NR5A2: variants seen among roughly 807,000 people sequenced by gnomAD.
NR5A2 encodes nuclear receptor subfamily 5 group A member 2.
In NR5A2, 26 loss-of-function variants were observed where a neutral mutation model predicts 62.7. The observed-to-expected ratio is 0.41, with a 90% CI of 0.30 to 0.58. NR5A2 has a LOEUF of 0.58. NR5A2 is among the 20% of genes least tolerant of loss of function. The pLI, the probability that NR5A2 is intolerant of heterozygous loss-of-function variation, is 0.22. For synonymous variants in NR5A2, 246 were observed against 241.7 expected, an observed-to-expected ratio of 1.02 and a Z score of -0.16; for missense variants, 541 against 669.1, an observed-to-expected ratio of 0.81 and a Z score of 2.11.
At chr1:200,093,729 C>T (rs935839625) in intron 5 of NR5A2, among the ~76,000 whole-genome samples, 1 of 152,218 alleles carries the variant, frequency 6.6e-6, no homozygotes, top group African/African-American at 2.4e-5. Context: ...TCCTCCTAGA[C>T]TTCCTTTTCC....
intron 5 of NR5A2, among the ~76,000 whole-genome samples, chr1:200,075,302 G>A (rs1203414820): frequency 6.6e-6 from 1 of 152,094 alleles, no homozygotes; most frequent in African/African-American, 2.4e-5. Context: ...AAGGAAAGCC[G>A]CTTTGCAAAA....
At chr1:200,095,660 C>T (rs986315874) in intron 5 of NR5A2, among the ~76,000 whole-genome samples, 1 of 152,020 alleles carries the variant, frequency 6.6e-6, no homozygotes, top group African/African-American at 2.4e-5. Flanking sequence ...TCACGCCATC[C>T]TCCTGCCTCA....
chr1:200,046,224 A>C (rs1449312752), intron 4 of NR5A2, among the ~76,000 whole-genome samples: 1 of 152,212 alleles, frequency 6.6e-6, no homozygotes, highest in Non-Finnish European at 1.5e-5. Flanking sequence ...TCTGAAAAGA[A>C]CAAGAAAGTG....
intron 7 of NR5A2, among the ~76,000 whole-genome samples, chr1:200,155,324 TTTAAAATGA>T (rs1215605248): frequency 2.6e-5 from 4 of 152,220 alleles, no homozygotes. Flanking sequence ...ATTCATTAAG[TTTAAAATGA>T]AGCACAAAAG....
intron 6 of NR5A2, among the ~76,000 whole-genome samples, chr1:200,114,786 G>T (rs370816217): frequency 2.2e-4 from 34 of 152,306 alleles, no homozygotes; most frequent in African/African-American, 7.9e-4. Context: ...TGAAGTGGTT[G>T]ATTCAAGGTC....
chr1:200,064,695 G>A (rs906717914), intron 5 of NR5A2, among the ~76,000 whole-genome samples: 1 of 152,154 alleles, frequency 6.6e-6, no homozygotes, highest in Non-Finnish European at 1.5e-5. Flanking sequence ...CATGATTTCG[G>A]TCCTGGTATA....
At chr1:200,066,605 T>TTTTTTTTTTAG (rs71132651) in intron 5 of NR5A2, among the ~76,000 whole-genome samples, 1 of 148,500 alleles carries the variant, frequency 6.7e-6, no homozygotes, top group Admixed American at 6.7e-5. Context: ...TTTTTTTTTT[T>TTTTTTTTTTAG]GAGAGGGAGT....
chr1:200,088,722 C>G (rs1196498856), intron 5 of NR5A2, among the ~76,000 whole-genome samples: 1 of 152,212 alleles, frequency 6.6e-6, no homozygotes, highest in Non-Finnish European at 1.5e-5. Flanking sequence ...TTTTCTCCAC[C>G]TCTTCTTTTT....
chr1:200,100,181 A>G (rs1665298810), intron 5 of NR5A2, among the ~76,000 whole-genome samples: 1 of 152,218 alleles, frequency 6.6e-6, no homozygotes, highest in Admixed American at 6.5e-5. Context: ...TCATAAATGA[A>G]ACAATACCCA....
rs1038149589 is a variant in NR5A2, at chr1:200,108,394, T to C, written c.1111-2808T>C. ...CACCTGGCTGACATACTTCTCTTAA[T>C]TTTCACCCACCTTTTCTCCTTCTGT... On this transcript the variant is annotated intron_variant, in intron 5 of 7. Transcript: ENST00000367362. 3.9e-5 allele frequency among the ~76,000 whole-genome samples: 6 copies of C among 152,286 alleles called. No homozygotes were observed. The South Asian group carries it at 1.0e-3, about 26-fold the overall frequency.
chr1:200,103,068 G>A (rs935652806), intron 5 of NR5A2, among the ~76,000 whole-genome samples: 3 of 149,570 alleles, frequency 2.0e-5, no homozygotes, highest in Non-Finnish European at 3.0e-5. Flanking sequence ...ATTATAATAA[G>A]TTCTGCTTCA....
chr1:200,028,030 G>C (rs1233159267), intron 1 of NR5A2, 119 bp downstream of exon 1: 1 of 637,494 alleles, frequency 1.6e-6, no homozygotes, highest in East Asian at 2.8e-5. Context: ...TTTATTAAAA[G>C]CACACAATAA....
chr1:200,132,946 T>C (rs1416591526), intron 7 of NR5A2, among the ~76,000 whole-genome samples: 3 of 152,164 alleles, frequency 2.0e-5, no homozygotes, highest in South Asian at 2.1e-4. Flanking sequence ...TGTTGCTGAA[T>C]ACAAACACGT....
At chr1:200,078,630 C>A (rs1326155063) in intron 5 of NR5A2, among the ~76,000 whole-genome samples, 1 of 152,002 alleles carries the variant, frequency 6.6e-6, no homozygotes, top group Non-Finnish European at 1.5e-5. Context: ...TTTTTTTAGC[C>A]ATTTATGGGT....
intron 1 of NR5A2, among the ~76,000 whole-genome samples, chr1:200,028,376 A>G (rs1282991615): frequency 6.6e-6 from 1 of 150,486 alleles, no homozygotes; most frequent in Middle Eastern, 3.2e-3. Flanking sequence ...TATACCGTAA[A>G]AAATTTTCAT....
chr1:200,133,576 CATAT>C, intron 7 of NR5A2, among the ~76,000 whole-genome samples: 1 of 134,500 alleles, frequency 7.4e-6, no homozygotes, highest in Non-Finnish European at 1.6e-5. Context: ...TATATATACA[CATAT>C]ATATACACAT....
intron 6 of NR5A2, among the ~76,000 whole-genome samples, chr1:200,116,709 G>A (rs1391695475): frequency 6.6e-6 from 1 of 152,114 alleles, no homozygotes; most frequent in Non-Finnish European, 1.5e-5. Flanking sequence ...AAGCAAAAAG[G>A]AAATTATGAT....
At chr1:200,107,350 G>A (rs1665730549) in intron 5 of NR5A2, among the ~76,000 whole-genome samples, 1 of 150,268 alleles carries the variant, frequency 6.7e-6, no homozygotes. Flanking sequence ...GGGAGCTGTA[G>A]CTTCAGAATC....
rs188846781 is a variant in NR5A2 at position 200,154,765 on chromosome 1, T to C, written c.1379-19198T>C. Among the ~76,000 whole-genome samples, 48 of 152,308 alleles carry C rather than the reference T, an allele frequency of 3.2e-4. No individual in the cohort carries two copies. The East Asian group carries it at 6.2e-3, about 20-fold the overall frequency. ...TCAGCAGAACATTTAGGAAGGGTCTTCTAGAGATAATGATGGACAAGTCAG... is the reference window on the plus strand; with the variant it reads ...TCAGCAGAACATTTAGGAAGGGTCTCCTAGAGATAATGATGGACAAGTCAG... On this transcript the variant is annotated intron_variant, in intron 7 of 7. Coordinates refer to ENST00000367362, the MANE Select transcript of NR5A2 (RefSeq NM_205860.3).
Sources: gnomAD v4.1 joint callset for allele counts (sites outside exome capture counted in the v4.1 genomes callset) on GRCh38, gnomAD v4.1.1 for gene constraint, MANE v1.5 for transcripts, NCBI Gene and HGNC (gene_info 2026-07-23, HGNC 2026-07-21) for gene names.